The following RGS6 variants were observed in gnomAD, a reference collection of about 807,000 sequenced individuals.
RGS6 encodes regulator of G-protein signaling 6.
In RGS6, 30 loss-of-function variants were observed where a neutral mutation model predicts 78.5. The ratio of observed to expected loss-of-function variants is 0.38; its 90% CI spans 0.29 to 0.52. The LOEUF (loss-of-function observed/expected upper bound fraction) is 0.52. Ranked by LOEUF, RGS6 falls within the 20% of genes least tolerant of loss-of-function variation. The probability of loss-of-function intolerance (pLI) is 0.85; values close to 1 mark genes in which losing one functional copy is unlikely to be tolerated. For synonymous variants in RGS6, 206 were observed against 206.0 expected, an observed-to-expected ratio of 1.00 and a Z score of 0.00; for missense variants, 495 against 609.7, an observed-to-expected ratio of 0.81 and a Z score of 1.98.
chr14:72,295,870 G>C (rs892125023), intron 2 of RGS6, among the ~76,000 whole-genome samples: 1 of 152,198 alleles, frequency 6.6e-6, no homozygotes. Flanking sequence ...TCAGTTATTT[G>C]TTTGTTTTGA....
rs1318137610 is a variant in RGS6, at chr14:72,518,445, G to T, written c.1186G>T (p.Ala396Ser). ...CTGGCAAGAGTTTCTGGCTCCAGGG[G>T]CTCCAAGTGCAATCAACCTGGATTC... ...EIWQEFLAPGAPSAINLDSHS... is the reference protein window; with the variant it reads ...EIWQEFLAPGSPSAINLDSHS... Residue 396 changes from alanine to serine, a missense_variant, in exon 15 of 18, where the codon GCT (alanine) becomes TCT (serine). Coordinates refer to ENST00000553525, the MANE Select transcript of RGS6 (RefSeq NM_001204424.2). The T allele has an allele frequency of 1.2e-6, 2 of 1,614,206 alleles. No individual in the cohort carries two copies. The highest frequency in any genetic ancestry group is 1.7e-6 in the Non-Finnish European group (2 of 1,180,010).
intron 2 of RGS6, among the ~76,000 whole-genome samples, chr14:72,180,743 G>C (rs148178600): frequency 1.1e-4 from 17 of 152,306 alleles, no homozygotes; most frequent in African/African-American, 3.8e-4. Context: ...TGATTGAATC[G>C]ATGCTGTTAT....
At chr14:72,324,295 A>G (rs1010935144) in intron 2 of RGS6, among the ~76,000 whole-genome samples, 1 of 152,230 alleles carries the variant, frequency 6.6e-6, no homozygotes, top group Non-Finnish European at 1.5e-5. Flanking sequence ...AAAAAAATTA[A>G]CAAGCACAAA....
In RGS6 at chr14:72,330,728, C is replaced by T. The variant is rs574869729; in HGVS notation, c.85-21367C>T. On this transcript the variant is annotated intron_variant, in intron 2 of 17. Coordinates refer to ENST00000553525, the MANE Select transcript of RGS6 (RefSeq NM_001204424.2). Reference sequence around the variant, plus strand: ...TGCTTGTCAGAATGAATTCCAAACCCTCTCACAGCAGGCCCCTTGTGGGAC... The same window carrying T: ...TGCTTGTCAGAATGAATTCCAAACCTTCTCACAGCAGGCCCCTTGTGGGAC... 5.8e-4 allele frequency among the ~76,000 whole-genome samples: 88 copies of T among 152,298 alleles called. No individual in the cohort carries two copies. In the South Asian group the frequency reaches 0.012, roughly 22 times the overall value.
intron 2 of RGS6, among the ~76,000 whole-genome samples, chr14:72,319,328 C>G (rs2071208007): frequency 6.6e-6 from 1 of 151,718 alleles, no homozygotes; most frequent in Non-Finnish European, 1.5e-5. Flanking sequence ...TGATGTAGCT[C>G]TCCAGAGAAC....
At chr14:72,406,334 A>G (rs1405547864) in intron 3 of RGS6, among the ~76,000 whole-genome samples, 1 of 152,156 alleles carries the variant, frequency 6.6e-6, no homozygotes, top group African/African-American at 2.4e-5. Context: ...CAGTGAGATG[A>G]GATCGTGCCA....
At chr14:72,320,878 A>G (rs890855981) in intron 2 of RGS6, among the ~76,000 whole-genome samples, 5 of 150,150 alleles carry the variant, frequency 3.3e-5, no homozygotes, top group Non-Finnish European at 7.4e-5. Context: ...TACTTACTAA[A>G]GTATATTAGT....
At chr14:72,038,231 A>G (rs1242852854) in intron 2 of RGS6, among the ~76,000 whole-genome samples, 1 of 152,084 alleles carries the variant, frequency 6.6e-6, no homozygotes, top group African/African-American at 2.4e-5. Context: ...CAGCCTCCCA[A>G]AGTGCTGGGA....
chr14:72,582,979 G>A, the RGS6 span, among the ~76,000 whole-genome samples: 96 of 151,280 alleles, frequency 6.3e-4, no homozygotes, highest in Non-Finnish European at 1.0e-3. Flanking sequence ...ACTTTTTATG[G>A]GGAGATACTG....
the RGS6 span, among the ~76,000 whole-genome samples, chr14:71,869,188 T>G: frequency 6.6e-6 from 1 of 152,238 alleles, no homozygotes; most frequent in Non-Finnish European, 1.5e-5. Context: ...GCCTTGCATT[T>G]TCAAAGTATT....
At chr14:71,988,621 G>A (rs995960018) in intron 2 of RGS6, among the ~76,000 whole-genome samples, 3 of 151,936 alleles carry the variant, frequency 2.0e-5, no homozygotes, top group East Asian at 1.9e-4. Context: ...CCGTATGACC[G>A]GTGAAGCCTA....
intron 17 of RGS6, chr14:72,547,474 A>C (rs1033634724): frequency 2.8e-6 from 2 of 722,360 alleles, no homozygotes; most frequent in African/African-American, 3.6e-5. Context: ...CCCTGGTTTG[A>C]GTTGAGTTAG....
intron 2 of RGS6, among the ~76,000 whole-genome samples, chr14:72,298,385 A>G (rs1305058178): frequency 8.0e-5 from 12 of 149,202 alleles, no homozygotes; most frequent in Non-Finnish European, 1.3e-4. Context: ...ATGTTTTGCT[A>G]ATGATTTTTG....
intron 1 of RGS6, among the ~76,000 whole-genome samples, chr14:71,942,077 T>G (rs1218275376): frequency 6.6e-6 from 1 of 152,054 alleles, no homozygotes; most frequent in East Asian, 1.9e-4. Flanking sequence ...CTTTCTGGAG[T>G]AGTCAAGACA....
intron 2 of RGS6, among the ~76,000 whole-genome samples, chr14:72,206,293 C>G (rs769338996): frequency 2.0e-5 from 3 of 152,028 alleles, no homozygotes; most frequent in Non-Finnish European, 2.9e-5. Context: ...AGTGAGACCC[C>G]CATCTCTAAA....
chr14:72,307,327 G>T (rs1156642186), intron 2 of RGS6, among the ~76,000 whole-genome samples: 2 of 152,020 alleles, frequency 1.3e-5, no homozygotes, highest in Non-Finnish European at 2.9e-5. Context: ...CTTTATTGTG[G>T]TGGTCTGAAA....
intron 2 of RGS6, among the ~76,000 whole-genome samples, chr14:72,159,551 G>T (rs2096823956): frequency 6.6e-6 from 1 of 152,146 alleles, no homozygotes; most frequent in African/African-American, 2.4e-5. Flanking sequence ...GATGCTAAAG[G>T]CAGTCTTTGA....
At chr14:71,968,274 T>G (rs562390264) in intron 2 of RGS6, among the ~76,000 whole-genome samples, 1 of 152,262 alleles carries the variant, frequency 6.6e-6, no homozygotes, top group African/African-American at 2.4e-5. Flanking sequence ...GGTATTTCTA[T>G]TTAATAGGTC....
At chr14:72,416,453 T>A (rs2093815767) in intron 3 of RGS6, among the ~76,000 whole-genome samples, 1 of 152,238 alleles carries the variant, frequency 6.6e-6, no homozygotes, top group South Asian at 2.1e-4. Flanking sequence ...GATTTGTAAG[T>A]TGACTGTATT....
Sources: gnomAD v4.1 joint callset for allele counts (sites outside exome capture counted in the v4.1 genomes callset) on GRCh38, gnomAD v4.1.1 for gene constraint, MANE v1.5 for transcripts, NCBI Gene and HGNC (gene_info 2026-07-23, HGNC 2026-07-21) for gene names.